Variants in RAP1GAP2 observed in about 807,000 individuals in gnomAD.
RAP1GAP2 encodes the protein RAP1 GTPase activating protein 2.
Under a neutral mutation model 95.0 loss-of-function variants are expected in RAP1GAP2, and 27 were observed. The ratio of observed to expected loss-of-function variants is 0.28; its 90% CI spans 0.21 to 0.39. The LOEUF is 0.39. RAP1GAP2 is among the 10% of genes least tolerant of loss of function. The pLI is 1.00. For missense variants in RAP1GAP2, 771 were observed against 970.0 expected (o/e 0.79, Z 2.72); for synonymous variants, 373 against 380.9 (o/e 0.98, Z 0.24).
chr17:2,833,318 G>C (rs570072120), intron 2 of RAP1GAP2, among the ~76,000 whole-genome samples: 3 of 151,512 alleles, frequency 2.0e-5, no homozygotes, highest in Non-Finnish European at 4.4e-5. Context: ...TTTGTATTTA[G>C]TAGAGATGAG....
intron 2 of RAP1GAP2, among the ~76,000 whole-genome samples, chr17:2,858,377 G>T (rs1430127351): frequency 6.6e-6 from 1 of 152,026 alleles, no homozygotes; most frequent in Admixed American, 6.6e-5. Flanking sequence ...TTATTCCTGG[G>T]TAGAAAAAGC....
intron 8 of RAP1GAP2, among the ~76,000 whole-genome samples, chr17:2,972,659 A>G (rs2044918952): frequency 6.6e-6 from 1 of 152,148 alleles, no homozygotes; most frequent in Non-Finnish European, 1.5e-5. Flanking sequence ...AGATGCAAAA[A>G]AAGGGTAGGG....
intron 11 of RAP1GAP2, among the ~76,000 whole-genome samples, chr17:2,985,575 C>G (rs1046397942): frequency 6.6e-6 from 1 of 152,132 alleles, no homozygotes. Context: ...TTTGCAAACA[C>G]CAGGGTTTCT....
intron 2 of RAP1GAP2, among the ~76,000 whole-genome samples, chr17:2,807,439 TG>T (rs2069570809): frequency 6.6e-6 from 1 of 152,084 alleles, no homozygotes; most frequent in Non-Finnish European, 1.5e-5. Context: ...TTGAGGTTTT[TG>T]GGGGTAGACA....
chr17:2,770,215 A>C (rs2068363450), intron 1 of RAP1GAP2: 2 of 396,796 alleles, frequency 5.0e-6, no homozygotes, highest in African/African-American at 4.1e-5. Flanking sequence ...GATGAGCAGG[A>C]GGGATATTTG....
chr17:2,993,935 C>T (rs559836254), intron 12 of RAP1GAP2, among the ~76,000 whole-genome samples: 1 of 152,232 alleles, frequency 6.6e-6, no homozygotes, highest in East Asian at 1.9e-4. Flanking sequence ...GTCCCCGCTA[C>T]TTGGCAGGCT....
Position 3,005,475 on chromosome 17 carries a change from A to T in RAP1GAP2, c.1272+35A>T. On this transcript the variant is annotated intron_variant, in intron 15 of 24. Coordinates refer to ENST00000254695, the MANE Select transcript of RAP1GAP2 (RefSeq NM_015085.5). This position sits in a 1 kb window ranked among gnomAD's most constrained non-coding sequence, Gnocchi z 5.2. ...TCTTCCTTCTGCCCCTCTCGCATCC[A>T]CGATGCCAGGTCTCAGTGCTTGAGT... 6.3e-7 allele frequency: 1 copy of T among 1,579,024 alleles called. No individual in the cohort carries two copies. Among genetic ancestry groups the T allele is most frequent in the Admixed American group, 1.7e-5 (1 of 59,946 alleles).
At chr17:3,001,663 CA>C (rs1438590927) in intron 14 of RAP1GAP2, among the ~76,000 whole-genome samples, 1 of 152,216 alleles carries the variant, frequency 6.6e-6, no homozygotes, top group East Asian at 1.9e-4. Context: ...AGCCACTGGG[CA>C]GCTGAACTAC....
chr17:2,893,271 C>A (rs976113623), intron 2 of RAP1GAP2, among the ~76,000 whole-genome samples: 3 of 152,108 alleles, frequency 2.0e-5, no homozygotes, highest in African/African-American at 7.2e-5. Flanking sequence ...GAACTCCTGA[C>A]CTCAGGTGAT....
intron 3 of RAP1GAP2, among the ~76,000 whole-genome samples, chr17:2,912,117 A>G (rs1016711716): frequency 6.6e-6 from 1 of 152,198 alleles, no homozygotes; most frequent in African/African-American, 2.4e-5. Flanking sequence ...CGGCCAGGGA[A>G]TGCCCCCACC....
chr17:2,879,686 A>G lies in RAP1GAP2; in HGVS notation c.81-25598A>G, dbSNP rs542462036. 2.6e-5 allele frequency among the ~76,000 whole-genome samples: 4 copies of G among 150,982 alleles called. No homozygotes were observed. In the East Asian group the frequency reaches 7.9e-4, roughly 30 times the overall value. ...GGTTGCAGTGAGCTGAGATCGCACC[A>G]TGGCACTCCAGCCTGGGCGACAGGG... On this transcript the variant is annotated intron_variant, in intron 2 of 24. Transcript: ENST00000254695.
intron 19 of RAP1GAP2, among the ~76,000 whole-genome samples, chr17:3,024,554 A>G (rs750707637): frequency 6.6e-6 from 1 of 152,204 alleles, no homozygotes; most frequent in Non-Finnish European, 1.5e-5. Flanking sequence ...TGTATACCCA[A>G]GAGAGTTGAG....
At chr17:2,880,574 C>A (rs2073247532) in intron 2 of RAP1GAP2, among the ~76,000 whole-genome samples, 1 of 151,742 alleles carries the variant, frequency 6.6e-6, no homozygotes, top group South Asian at 2.1e-4. Flanking sequence ...ATCCTCACTA[C>A]CATTCTCCAG....
intron 11 of RAP1GAP2, among the ~76,000 whole-genome samples, chr17:2,987,924 A>C (rs2151555352): frequency 6.6e-6 from 1 of 152,296 alleles, no homozygotes; most frequent in South Asian, 2.1e-4. Flanking sequence ...TCTTCATGGC[A>C]GCCTGTGCAT....
At position 3,036,044 on chromosome 17, in the gene RAP1GAP2, A is replaced by C. The variant is rs1567929191; in HGVS notation, c.*2683A>C. 6.6e-6 allele frequency: 1 copy of C among 152,250 alleles called. No homozygotes were observed. The highest frequency in any genetic ancestry group is 1.5e-5 in the Non-Finnish European group (1 of 68,056). The allele number at this position is 152,250 out of a possible 1,614,324, so 9.4% of individuals were successfully genotyped here. On this transcript the variant is annotated 3_prime_UTR_variant, in exon 25 of 25. Coordinates refer to ENST00000254695, the MANE Select transcript of RAP1GAP2 (RefSeq NM_015085.5). Reference sequence around the variant, plus strand: ...TCACTGAAGAAACTACTTTTCAGGCACTGTAGGGTCACCCATATGCCTCCA... The same window carrying C: ...TCACTGAAGAAACTACTTTTCAGGCCCTGTAGGGTCACCCATATGCCTCCA...
Position 2,944,105 on chromosome 17 carries a change from C to T in RAP1GAP2, c.166-13654C>T, listed in dbSNP as rs149452292. On this transcript the variant is annotated intron_variant, in intron 3 of 24. Transcript: ENST00000254695. ...CAGAGGTTGCTATGAGCCGAGATTG[C>T]GCCATTGCACTCTAGCCTGGCGACA... Among the ~76,000 whole-genome samples the T allele has an allele frequency of 8.6e-3, 1,273 of 148,132 alleles. 19 individuals carry two copies. Among genetic ancestry groups the T allele is most frequent in the African/African-American group, 0.029 (1,177 of 40,028 alleles).
intron 14 of RAP1GAP2, among the ~76,000 whole-genome samples, chr17:3,001,256 C>CAGCCACTGGG (rs1567878874): frequency 4.5e-4 from 17 of 38,034 alleles, no homozygotes; most frequent in Non-Finnish European, 6.5e-4. Context: ...GAGTGCAGGT[C>CAGCCACTGGG]CAAGCTCCAG....
intron 1 of RAP1GAP2, chr17:2,800,263 A>G: frequency 1.0e-6 from 1 of 975,448 alleles, no homozygotes; most frequent in Non-Finnish European, 1.2e-6. Context: ...TACCTTTCTG[A>G]GCCTGGGTTT....
intron 2 of RAP1GAP2, among the ~76,000 whole-genome samples, chr17:2,833,689 CAAAAA>C (rs112909808): frequency 9.3e-5 from 5 of 53,690 alleles, no homozygotes; most frequent in African/African-American, 3.0e-4. Flanking sequence ...GACTCCGTCT[CAAAAA>C]AAAAAAAAAA....
Sources: allele counts gnomAD v4.1 joint callset (sites outside exome capture counted in the v4.1 genomes callset), GRCh38; gene constraint gnomAD v4.1.1; non-coding constraint Gnocchi (gnomAD v3.1); transcripts MANE v1.5; gene names NCBI Gene and HGNC (gene_info 2026-07-23, HGNC 2026-07-21).